The following RORA variants were observed in gnomAD, a reference collection of about 807,000 sequenced individuals.
RORA encodes the protein RAR related orphan receptor A.
A neutral mutation model predicts 69.5 loss-of-function variants in RORA; 7 were observed. The observed-to-expected ratio is 0.10, with a 90% CI of 0.06 to 0.19. The LOEUF (loss-of-function observed/expected upper bound fraction) is 0.19, where lower values mean the gene tolerates loss of function less well. Ranked by LOEUF, RORA falls within the 10% of genes least tolerant of loss-of-function variation. The pLI, the probability that RORA is intolerant of heterozygous loss-of-function variation, is 1.00. For missense variants in RORA, 457 were observed against 663.0 expected (o/e 0.69, Z 3.41); for synonymous variants, 261 against 240.8 (o/e 1.08, Z -0.78).
chr15:60,705,140 A>G (rs917525058), intron 1 of RORA, among the ~76,000 whole-genome samples: 14 of 147,978 alleles, frequency 9.5e-5, no homozygotes, highest in African/African-American at 3.5e-4. Flanking sequence ...AAAAAAAAAG[A>G]AAGAAAAAGT....
intron 1 of RORA, among the ~76,000 whole-genome samples, chr15:60,812,947 C>T (rs745679007): frequency 1.2e-4 from 18 of 152,270 alleles, no homozygotes; most frequent in Non-Finnish European, 1.8e-4. Context: ...ACCAAGGCAA[C>T]GGGACTGTGC....
At chr15:61,208,869 C>G (rs148050256) in intron 1 of RORA, among the ~76,000 whole-genome samples, 3 of 152,136 alleles carry the variant, frequency 2.0e-5, no homozygotes, top group Non-Finnish European at 4.4e-5. Context: ...AATAAAATAT[C>G]CTCACAAACA....
At chr15:60,533,177 T>C (rs993696381) in intron 2 of RORA, among the ~76,000 whole-genome samples, 1 of 152,206 alleles carries the variant, frequency 6.6e-6, no homozygotes, top group African/African-American at 2.4e-5. Context: ...CAGGGCCTAA[T>C]ACAAGTACTG....
chr15:60,997,668 G>C (rs544334917), intron 1 of RORA, among the ~76,000 whole-genome samples: 115 of 152,206 alleles, frequency 7.6e-4, no homozygotes, highest in African/African-American at 2.7e-3. Context: ...CCACATGATA[G>C]TTATGGCTTA....
At chr15:60,857,479 C>T (rs898213672) in intron 1 of RORA, among the ~76,000 whole-genome samples, 1 of 152,132 alleles carries the variant, frequency 6.6e-6, no homozygotes, top group Non-Finnish European at 1.5e-5. Flanking sequence ...TGGAATGAAA[C>T]CAGCAGTGTA....
At chr15:60,899,571 G>A (rs531354073) in intron 1 of RORA, among the ~76,000 whole-genome samples, 1 of 152,306 alleles carries the variant, frequency 6.6e-6, no homozygotes, top group South Asian at 2.1e-4. Context: ...TTCTCTTCAA[G>A]TTAGGTTGAC....
intron 5 of RORA, among the ~76,000 whole-genome samples, chr15:60,507,637 T>C (rs192310846): frequency 6.6e-6 from 1 of 151,962 alleles, no homozygotes; most frequent in Non-Finnish European, 1.5e-5. Context: ...ACAAAAATAA[T>C]GGGGAGTAAG....
intron 2 of RORA, among the ~76,000 whole-genome samples, chr15:60,599,710 C>T (rs1238685082): frequency 6.6e-6 from 1 of 152,164 alleles, no homozygotes; most frequent in Non-Finnish European, 1.5e-5. Context: ...ATTTCTTCTG[C>T]CTTCCCTCAC....
chr15:60,508,473 T>C (rs543276117), intron 5 of RORA, among the ~76,000 whole-genome samples: 1 of 152,370 alleles, frequency 6.6e-6, no homozygotes, highest in South Asian at 2.1e-4. Context: ...ATTCACTATA[T>C]GCCAGTCCCA....
intron 2 of RORA, among the ~76,000 whole-genome samples, chr15:60,622,047 T>TA (rs1402649823): frequency 6.6e-6 from 1 of 151,016 alleles, no homozygotes; most frequent in Admixed American, 6.6e-5. Flanking sequence ...AAACTGTGAC[T>TA]CAAAAAAAAG....
intron 1 of RORA, among the ~76,000 whole-genome samples, chr15:60,697,856 G>T (rs1049111623): frequency 5.3e-5 from 8 of 152,152 alleles, no homozygotes; most frequent in African/African-American, 1.9e-4. Context: ...CTCATTCACG[G>T]CTCCTCTGGG....
chr15:60,984,947 T>C (rs1174227106), intron 1 of RORA, among the ~76,000 whole-genome samples: 1 of 152,210 alleles, frequency 6.6e-6, no homozygotes, highest in Non-Finnish European at 1.5e-5. Flanking sequence ...TTAGAAGATC[T>C]ATGCTGTTTG....
intron 1 of RORA, among the ~76,000 whole-genome samples, chr15:60,717,797 T>TC (rs546330904): frequency 1.9e-4 from 3 of 16,004 alleles, no homozygotes; most frequent in African/African-American, 6.5e-4. Context: ...TCTTTTTCTC[T>TC]TTTTTTTTTT....
chr15:60,632,046 C>T (rs2069748098), intron 2 of RORA, among the ~76,000 whole-genome samples: 1 of 151,872 alleles, frequency 6.6e-6, no homozygotes, highest in Non-Finnish European at 1.5e-5. Context: ...CCAAGAGAAC[C>T]GAAAGAGTAT....
At chr15:60,597,200 T>C (rs561319561) in intron 2 of RORA, among the ~76,000 whole-genome samples, 5 of 152,170 alleles carry the variant, frequency 3.3e-5, no homozygotes, top group South Asian at 2.1e-4. Flanking sequence ...AGGTGAAAGA[T>C]TTGACTAAAT....
At chr15:60,794,521 A>G (rs113869705) in intron 1 of RORA, among the ~76,000 whole-genome samples, 4,778 of 152,280 alleles carry the variant, frequency 0.031, 285 homozygotes, top group African/African-American at 0.11. Flanking sequence ...AGGGAAAAAT[A>G]CTGGGTGCAT....
chr15:60,561,431 G>A (rs1359191278), intron 2 of RORA, among the ~76,000 whole-genome samples: 1 of 151,544 alleles, frequency 6.6e-6, no homozygotes. Context: ...TAAATAATGA[G>A]GCATAATTAT....
intron 1 of RORA, among the ~76,000 whole-genome samples, chr15:60,723,779 T>C (rs896183330): frequency 3.3e-5 from 5 of 152,152 alleles, no homozygotes; most frequent in African/African-American, 1.2e-4. Context: ...ACATGCAAGA[T>C]CTTGCTCTTG....
chr15:60,682,038 A>T (rs542880942), intron 1 of RORA: 1 of 152,358 alleles, frequency 6.6e-6, no homozygotes. Context: ...TTGCGTGTAT[A>T]GCCCATTTTC....
Sources: gnomAD v4.1 joint callset for allele counts (sites outside exome capture counted in the v4.1 genomes callset) on GRCh38, gnomAD v4.1.1 for gene constraint, MANE v1.5 for transcripts, NCBI Gene and HGNC (gene_info 2026-07-23, HGNC 2026-07-21) for gene names.